HDAC9: variants seen among roughly 807,000 people sequenced by gnomAD.
HDAC9 encodes histone deacetylase 9, also known as MEF-2 interacting transcription repressor (MITR) protein.
In HDAC9, 41 loss-of-function variants were observed where a neutral mutation model predicts 139.4. The observed-to-expected ratio is 0.29, with a 90% CI of 0.23 to 0.38. The LOEUF (loss-of-function observed/expected upper bound fraction) is 0.38. Ranked by LOEUF, HDAC9 falls within the 10% of genes least tolerant of loss-of-function variation. HDAC9 has a pLI of 1.00. For missense variants in HDAC9, 1,147 were observed against 1,297.0 expected (o/e 0.88, Z 1.78); for synonymous variants, 517 against 476.2 (o/e 1.09, Z -1.12).
intron 1 of HDAC9, among the ~76,000 whole-genome samples, chr7:18,403,632 C>T (rs1354551127): frequency 6.6e-6 from 1 of 152,104 alleles, no homozygotes; most frequent in Non-Finnish European, 1.5e-5. Flanking sequence ...TAAACAAATA[C>T]GTAAATGAAC....
chr7:18,567,638 A>G (rs879808099), intron 2 of HDAC9, among the ~76,000 whole-genome samples: 10 of 152,162 alleles, frequency 6.6e-5, no homozygotes, highest in Non-Finnish European at 1.3e-4. Context: ...TGGGTTATAT[A>G]AATTTAAATT....
At position 18,660,859 on chromosome 7, in the gene HDAC9, G is replaced by A. The variant is rs535478244; in HGVS notation, c.1468-5354G>A. ...AGAGAACAAGATCCCAACTAAGGTCGGAGAAGTTGGTGGTGCCAGGTTGTC... is the reference window on the plus strand; with the variant it reads ...AGAGAACAAGATCCCAACTAAGGTCAGAGAAGTTGGTGGTGCCAGGTTGTC... On this transcript the variant is annotated intron_variant, in intron 11 of 25. Coordinates refer to ENST00000686413, the MANE Select transcript of HDAC9 (RefSeq NM_178425.4). 6.6e-5 allele frequency among the ~76,000 whole-genome samples: 10 copies of A among 152,244 alleles called. No homozygotes were observed. The South Asian group carries it at 1.7e-3, about 25-fold the overall frequency.
intron 2 of HDAC9, among the ~76,000 whole-genome samples, chr7:18,529,430 A>G (rs904529723): frequency 5.3e-5 from 8 of 152,198 alleles, no homozygotes; most frequent in African/African-American, 1.9e-4. Flanking sequence ...GCCAATTCCA[A>G]GTTAAGTTTT....
chr7:18,597,075 G>A (rs897950529), intron 6 of HDAC9, among the ~76,000 whole-genome samples: 6 of 152,014 alleles, frequency 3.9e-5, no homozygotes, highest in Admixed American at 3.3e-4. Flanking sequence ...CCTTTGTCAC[G>A]CAAAGTGGAC....
Position 18,607,645 on chromosome 7 carries a change from G to A in HDAC9, c.664+13616G>A, listed in dbSNP as rs756828603. On this transcript the variant is annotated intron_variant, in intron 6 of 25. Coordinates refer to ENST00000686413, the MANE Select transcript of HDAC9 (RefSeq NM_178425.4). ...ACTAGAATGGCAAAAGGAGACTTAA[G>A]TTTTAATCTTAACCTTGTCACTAAT... is the stretch of plus-strand genomic sequence containing the variant. Among the ~76,000 whole-genome samples, 69 of 152,158 alleles carry A rather than the reference G, an allele frequency of 4.5e-4. 1 individual carries two copies. Among genetic ancestry groups the A allele is most frequent in the Non-Finnish European group, 6.2e-4 (42 of 68,006 alleles).
chr7:18,616,886 A>G (rs1426714417), intron 6 of HDAC9, among the ~76,000 whole-genome samples: 1 of 152,220 alleles, frequency 6.6e-6, no homozygotes, highest in Non-Finnish European at 1.5e-5. Flanking sequence ...GGTTACACCT[A>G]AAGACTTAAA....
chr7:18,676,789 C>G (rs557951540), intron 12 of HDAC9, among the ~76,000 whole-genome samples: 4 of 151,670 alleles, frequency 2.6e-5, no homozygotes, highest in Non-Finnish European at 5.9e-5. Context: ...TTAGTTGTAT[C>G]TCATTATAAC....
chr7:18,613,298 G>T (rs1022192696), intron 6 of HDAC9, among the ~76,000 whole-genome samples: 14 of 152,004 alleles, frequency 9.2e-5, no homozygotes, highest in Middle Eastern at 3.4e-3. Context: ...CGTTTTCACA[G>T]TTGTCCCTTT....
intron 1 of HDAC9, among the ~76,000 whole-genome samples, chr7:18,438,580 G>T (rs1791439823): frequency 6.6e-6 from 1 of 151,724 alleles, no homozygotes; most frequent in Admixed American, 6.6e-5. Flanking sequence ...AGAAACATAT[G>T]TCTAGACATG....
In HDAC9 at chr7:18,343,317, T is replaced by C. The variant is rs113757216; in HGVS notation, c.-42+52802T>C. ...TTAACAGTAAATACTTTATGTCTTA[T>C]GAACTTTTGGCAAGGAAGGTAATTA... On this transcript the variant is annotated intron_variant, in intron 1 of 3. Transcript: ENST00000413509. Among the ~76,000 whole-genome samples, 700 of 152,002 alleles carry C rather than the reference T, an allele frequency of 4.6e-3. 14 individuals carry two copies. The highest frequency in any genetic ancestry group is 0.015 in the African/African-American group (628 of 41,540).
At chr7:18,328,613 A>G (rs543276799) in intron 1 of HDAC9, among the ~76,000 whole-genome samples, 4 of 151,904 alleles carry the variant, frequency 2.6e-5, no homozygotes, top group Non-Finnish European at 5.9e-5. Flanking sequence ...CTGATTGCAG[A>G]TATTGAACCA....
At chr7:18,857,361 G>GTGTA (rs1554380829) in intron 21 of HDAC9, among the ~76,000 whole-genome samples, 4 of 151,576 alleles carry the variant, frequency 2.6e-5, no homozygotes, top group African/African-American at 7.3e-5. Flanking sequence ...GTGTGTGTGT[G>GTGTA]TGTATGTATG....
chr7:18,901,444 A>G (rs1801714019), intron 22 of HDAC9, among the ~76,000 whole-genome samples: 1 of 152,104 alleles, frequency 6.6e-6, no homozygotes, highest in Admixed American at 6.6e-5. Flanking sequence ...TTTCAACTGC[A>G]TCAATTGAAC....
intron 22 of HDAC9, among the ~76,000 whole-genome samples, chr7:18,898,628 G>A (rs1262467634): frequency 6.6e-6 from 1 of 151,834 alleles, no homozygotes; most frequent in African/African-American, 2.4e-5. Context: ...CAGAGAAAGG[G>A]TGTTTACTGT....
chr7:18,177,044 C>A (rs931516826), intron 2 of HDAC9, among the ~76,000 whole-genome samples: 1 of 152,162 alleles, frequency 6.6e-6, no homozygotes, highest in Admixed American at 6.5e-5. Context: ...TCAAAGTAGA[C>A]ATTGTATGTC....
chr7:18,734,885 C>T (rs774565718), intron 13 of HDAC9, among the ~76,000 whole-genome samples: 3 of 152,338 alleles, frequency 2.0e-5, no homozygotes, highest in African/African-American at 7.2e-5. Flanking sequence ...TCTCCACATC[C>T]TCTCCAGCAT....
At chr7:18,864,365 C>G (rs904136576) in intron 21 of HDAC9, among the ~76,000 whole-genome samples, 1 of 152,028 alleles carries the variant, frequency 6.6e-6, no homozygotes, top group Non-Finnish European at 1.5e-5. Flanking sequence ...TTGCCAGGGA[C>G]TGGGACCAGG....
intron 24 of HDAC9, among the ~76,000 whole-genome samples, chr7:18,964,448 T>G (rs775220168): frequency 9.2e-5 from 14 of 152,242 alleles, no homozygotes; most frequent in Non-Finnish European, 1.8e-4. Flanking sequence ...CATGATCATT[T>G]GATTAATGGC....
At chr7:18,624,497 T>C (rs1307450212) in intron 6 of HDAC9, among the ~76,000 whole-genome samples, 4 of 152,102 alleles carry the variant, frequency 2.6e-5, no homozygotes, top group Non-Finnish European at 5.9e-5. Context: ...CTATGATTAA[T>C]TGAGATGTAG....
Sources: gnomAD v4.1 joint callset for allele counts (sites outside exome capture counted in the v4.1 genomes callset) on GRCh38, gnomAD v4.1.1 for gene constraint, MANE v1.5 for transcripts, NCBI Gene and HGNC (gene_info 2026-07-23, HGNC 2026-07-21) for gene names.